COL6A5: variants seen among roughly 807,000 people sequenced by gnomAD.
The protein encoded by COL6A5 is collagen type VI alpha 5 chain, also known as collagen alpha-5(VI) chain.
Under a neutral mutation model 65.6 loss-of-function variants are expected in COL6A5, and 48 were observed. The observed-to-expected ratio is 0.73, with a 90% CI of 0.58 to 0.93. The LOEUF (loss-of-function observed/expected upper bound fraction) is 0.93, where lower values mean the gene tolerates loss of function less well. Among genes scored for constraint, COL6A5 ranks in the 40% least tolerant of loss-of-function variants. The pLI is 0.00. For synonymous variants in COL6A5, 291 were observed against 322.8 expected (o/e 0.90, Z 1.05); for missense variants, 914 against 928.3 (o/e 0.98, Z 0.20).
intron 6 of COL6A5, 121 bp downstream of exon 38, chr3:130,469,602 T>G: frequency 1.3e-6 from 1 of 782,012 alleles, no homozygotes; most frequent in Non-Finnish European, 2.0e-6. Context: ...TATAAGTGAG[T>G]AGGAGGCAGT....
upstream of COL6A5, among the ~76,000 whole-genome samples, chr3:130,430,451 A>T (rs983055971): frequency 6.6e-6 from 1 of 152,114 alleles, no homozygotes; most frequent in Non-Finnish European, 1.5e-5. Context: ...ATGCTTTGGG[A>T]GTTAGCCAGA....
At chr3:130,427,890 T>C (rs1497304), upstream of COL6A5, among the ~76,000 whole-genome samples, 150,131 of 151,946 alleles carry the variant, frequency 0.99, 74,205 homozygotes, top group East Asian at 1. Context: ...GAGGAGATAG[T>C]GGGAAAGGCC....
intron 7 of COL6A5, among the ~76,000 whole-genome samples, chr3:130,474,182 A>G (rs182423851): frequency 2.0e-5 from 3 of 152,224 alleles, no homozygotes; most frequent in Admixed American, 2.0e-4. Context: ...GGGGACCTAT[A>G]TAAGTCTCAG....
At chr3:130,441,621 A>T (rs530754027) in intron 3 of COL6A5, among the ~76,000 whole-genome samples, 1 of 152,238 alleles carries the variant, frequency 6.6e-6, no homozygotes, top group African/African-American at 2.4e-5. Flanking sequence ...GTTTGGAAAA[A>T]TGCTCTTCTA....
intron 5 of COL6A5, among the ~76,000 whole-genome samples, chr3:130,464,735 A>G (rs1396348387): frequency 6.6e-6 from 1 of 152,082 alleles, no homozygotes; most frequent in African/African-American, 2.4e-5. Flanking sequence ...AGGGACCTCA[A>G]TCTTGACCAG....
chr3:130,405,108 T>C (rs1186906383), intron 13 of COL6A5, among the ~76,000 whole-genome samples: 1 of 152,234 alleles, frequency 6.6e-6, no homozygotes, highest in Non-Finnish European at 1.5e-5. Flanking sequence ...ATTCCTCCTG[T>C]GAGGACTGGC....
At chr3:130,411,050 A>T (rs980653089) in intron 20 of COL6A5, among the ~76,000 whole-genome samples, 1 of 152,180 alleles carries the variant, frequency 6.6e-6, no homozygotes, top group Admixed American at 6.5e-5. Context: ...GGACTCACAA[A>T]CAAATTCTTC....
intron 22 of COL6A5, 29 bp downstream of exon 22, chr3:130,414,160 T>C (rs1937269336): frequency 2.7e-6 from 4 of 1,466,950 alleles, no homozygotes; most frequent in Non-Finnish European, 3.7e-6. Flanking sequence ...TAAATATTGA[T>C]AAATGCTGTA....
At chr3:130,391,307 G>C in exon 7 of COL6A5, 1 of 1,551,666 alleles carries the variant, frequency 6.4e-7, no homozygotes, top group East Asian at 2.4e-5. Flanking sequence ...TGTTGGCAGG[G>C]ACCGAGTTCA....
At chr3:130,422,821 T>C in intron 28 of COL6A5, 39 bp downstream of exon 28, 2 of 1,232,190 alleles carry the variant, frequency 1.6e-6, no homozygotes, top group South Asian at 3.0e-5. Context: ...AAATATTCCT[T>C]TGGCAGACTT....
At chr3:130,475,022 A>AAC in intron 7 of COL6A5, among the ~76,000 whole-genome samples, 1 of 103,800 alleles carries the variant, frequency 9.6e-6, no homozygotes, top group Admixed American at 1.1e-4. Flanking sequence ...AAAAAAAAAA[A>AAC]AAAAAAAAGG....
exon 16 of COL6A5, chr3:130,406,134 G>C (rs1936983414): frequency 6.5e-7 from 1 of 1,549,634 alleles, no homozygotes; most frequent in East Asian, 2.4e-5. Context: ...CTCTCAGGGA[G>C]GTCATGGAGA....
chr3:130,353,433 A>G (rs1934794608), intron 1 of COL6A5, among the ~76,000 whole-genome samples: 1 of 152,240 alleles, frequency 6.6e-6, no homozygotes, highest in Non-Finnish European at 1.5e-5. Flanking sequence ...GAGGCATTAG[A>G]CAACACAGTT....
chr3:130,395,188 A>G (rs1484423577), exon 8 of COL6A5: 3 of 1,551,604 alleles, frequency 1.9e-6, no homozygotes, highest in South Asian at 1.2e-5. Context: ...TGTTTAATCT[A>G]CATGCTGGTG....
chr3:130,448,918 T>C (rs1237867656), intron 4 of COL6A5, among the ~76,000 whole-genome samples: 1 of 152,152 alleles, frequency 6.6e-6, no homozygotes, highest in East Asian at 1.9e-4. Flanking sequence ...AGAGGCCAAT[T>C]TTTAGGTATT....
intron 7 of COL6A5, among the ~76,000 whole-genome samples, chr3:130,475,518 TA>T (rs1246549696): frequency 1.4e-5 from 2 of 146,522 alleles, no homozygotes; most frequent in East Asian, 4.0e-4. Flanking sequence ...TTATATCCAA[TA>T]AAGATATCCC....
intron 8 of COL6A5, among the ~76,000 whole-genome samples, 188 bp from the exon 9 acceptor site, chr3:130,397,395 A>T (rs556616681): frequency 1.3e-5 from 2 of 152,064 alleles, no homozygotes; most frequent in African/African-American, 2.4e-5. Flanking sequence ...ATATATGTGT[A>T]TATGTATATA....
intron 1 of COL6A5, among the ~76,000 whole-genome samples, chr3:130,356,258 T>G (rs1934922738): frequency 6.6e-6 from 1 of 152,100 alleles, no homozygotes; most frequent in African/African-American, 2.4e-5. Flanking sequence ...ATAACTAGCA[T>G]GGTGTAGAAA....
chr3:130,353,756 T>C (rs1312088586), intron 1 of COL6A5, among the ~76,000 whole-genome samples: 1 of 150,774 alleles, frequency 6.6e-6, no homozygotes. Flanking sequence ...TGAAAATAAA[T>C]ATAAAACATT....
Sources: gnomAD v4.1 joint callset for allele counts (sites outside exome capture counted in the v4.1 genomes callset) on GRCh38, gnomAD v4.1.1 for gene constraint, MANE v1.5 for transcripts, NCBI Gene and HGNC (gene_info 2026-07-23, HGNC 2026-07-21) for gene names.